Variants in KLRG1 observed in about 807,000 individuals in gnomAD.
The protein encoded by KLRG1 is killer cell lectin-like receptor subfamily G member 1.
In KLRG1, 16 loss-of-function variants were observed where a neutral mutation model predicts 21.8. That is an observed-to-expected ratio of 0.73 (90% CI 0.50 to 1.11). The LOEUF (loss-of-function observed/expected upper bound fraction) is 1.11. Among genes scored for constraint, KLRG1 ranks in the 50% most tolerant of loss-of-function variants. KLRG1 has a pLI of 0.00. For synonymous variants in KLRG1, 69 were observed against 75.9 expected, an observed-to-expected ratio of 0.91 and a Z score of 0.47; for missense variants, 173 against 218.3, an observed-to-expected ratio of 0.79 and a Z score of 1.31.
chr12:9,189,008 A>C, the KLRG1 span, among the ~76,000 whole-genome samples: 1 of 152,230 alleles, frequency 6.6e-6, no homozygotes, highest in Non-Finnish European at 1.5e-5. Context: ...AGATGATGCA[A>C]ATGGAAAAAA....
the KLRG1 span, among the ~76,000 whole-genome samples, chr12:9,044,039 G>A: frequency 2.0e-5 from 3 of 152,154 alleles, no homozygotes; most frequent in Non-Finnish European, 4.4e-5. Flanking sequence ...AAATCATCCA[G>A]GTAAGCCATG....
intron 1 of KLRG1, among the ~76,000 whole-genome samples, chr12:8,972,356 A>T (rs2137257938): frequency 6.6e-6 from 1 of 152,262 alleles, no homozygotes. Context: ...ACGGGGTTGC[A>T]CCGTGTTAGC....
At chr12:9,079,795 TG>T in the KLRG1 span, 1 of 1,610,416 alleles carries the variant, frequency 6.2e-7, no homozygotes, top group Non-Finnish European at 8.5e-7. Flanking sequence ...GTGTTTTGCA[TG>T]GCAGAGCCTA....
At chr12:8,958,594 C>T (rs779552815) in intron 1 of KLRG1, among the ~76,000 whole-genome samples, 3 of 150,398 alleles carry the variant, frequency 2.0e-5, no homozygotes, top group Admixed American at 6.6e-5. Context: ...TAGTGGCTCA[C>T]GTGTGTAATC....
At chr12:9,146,880 A>G in the KLRG1 span, among the ~76,000 whole-genome samples, 1 of 151,192 alleles carries the variant, frequency 6.6e-6, no homozygotes, top group Non-Finnish European at 1.5e-5. Flanking sequence ...TTCTTTGGTC[A>G]GCCACAGAGA....
At chr12:9,135,655 T>C in the KLRG1 span, 2 of 213,438 alleles carry the variant, frequency 9.4e-6, no homozygotes, top group African/African-American at 2.4e-5. Context: ...TGGGCTCCTA[T>C]TGGGGATGGA....
At chr12:9,203,630 C>G in the KLRG1 span, 1 of 1,004,886 alleles carries the variant, frequency 1.0e-6, no homozygotes, top group Non-Finnish European at 1.4e-6. Flanking sequence ...CGTGAGCCAC[C>G]GCACCTGGCC....
the KLRG1 span, chr12:9,109,791 A>G: frequency 7.1e-7 from 1 of 1,416,570 alleles, no homozygotes; most frequent in Non-Finnish European, 9.5e-7. Flanking sequence ...AAAGACTCCA[A>G]ATGAACTTAA....
At chr12:9,039,288 C>T in the KLRG1 span, among the ~76,000 whole-genome samples, 1 of 152,294 alleles carries the variant, frequency 6.6e-6, no homozygotes, top group South Asian at 2.1e-4. Flanking sequence ...ATGAGAAAAC[C>T]AGCTTAGATT....
chr12:9,152,828 T>C, the KLRG1 span: 1 of 1,614,058 alleles, frequency 6.2e-7, no homozygotes, highest in Non-Finnish European at 8.5e-7. Context: ...TCTTACCTGA[T>C]GGTCAGTGAG....
At chr12:9,060,318 G>A in the KLRG1 span, among the ~76,000 whole-genome samples, 4 of 150,842 alleles carry the variant, frequency 2.7e-5, no homozygotes, top group East Asian at 6.0e-4. Context: ...CATCGCACCC[G>A]GCCCCAGCCC....
downstream of KLRG1, among the ~76,000 whole-genome samples, chr12:9,011,230 G>A (rs1201029594): frequency 1.3e-5 from 2 of 152,178 alleles, no homozygotes; most frequent in African/African-American, 4.8e-5. Flanking sequence ...AGAATTGGGT[G>A]TAGTTCTTCA....
At chr12:8,988,581 CT>C (rs1307217874), upstream of KLRG1, among the ~76,000 whole-genome samples, 1 of 151,894 alleles carries the variant, frequency 6.6e-6, no homozygotes, top group Non-Finnish European at 1.5e-5. Context: ...CTTACTTTAA[CT>C]TTTGTTTTTT....
At chr12:9,069,954 T>A in the KLRG1 span, 1 of 673,612 alleles carries the variant, frequency 1.5e-6, no homozygotes, top group Non-Finnish European at 2.6e-6. Flanking sequence ...TATAATGTAA[T>A]ACAATTAAAA....
At chr12:9,208,729 C>A in the KLRG1 span, among the ~76,000 whole-genome samples, 6 of 152,170 alleles carry the variant, frequency 3.9e-5, no homozygotes, top group African/African-American at 1.4e-4. Flanking sequence ...ATGATAGTAG[C>A]TCATGCATTG....
At chr12:9,098,679 G>T in the KLRG1 span, 1 of 1,611,826 alleles carries the variant, frequency 6.2e-7, no homozygotes, top group Non-Finnish European at 8.5e-7. Context: ...GGGCGCAGAC[G>T]GACTGAGGAG....
chr12:9,210,271 T>G, the KLRG1 span, among the ~76,000 whole-genome samples: 11 of 152,192 alleles, frequency 7.2e-5, no homozygotes, highest in Admixed American at 6.5e-5. Flanking sequence ...AGCAGTATCT[T>G]GCCTTAATTT....
chr12:9,040,964 C>T, the KLRG1 span, among the ~76,000 whole-genome samples: 1 of 152,246 alleles, frequency 6.6e-6, no homozygotes, highest in Admixed American at 6.5e-5. Flanking sequence ...CACCTGACAG[C>T]AGCTGTGCAA....
At chr12:9,187,740 A>T in the KLRG1 span, among the ~76,000 whole-genome samples, 3 of 152,222 alleles carry the variant, frequency 2.0e-5, no homozygotes, top group Admixed American at 1.3e-4. Flanking sequence ...GAAAGATCTC[A>T]ACTTAACCTC....
Sources: gnomAD v4.1 joint callset for allele counts (sites outside exome capture counted in the v4.1 genomes callset) on GRCh38, gnomAD v4.1.1 for gene constraint, MANE v1.5 for transcripts, NCBI Gene and HGNC (gene_info 2026-07-23, HGNC 2026-07-21) for gene names.